PRMT3: variants seen among roughly 807,000 people sequenced by gnomAD.
PRMT3 encodes protein arginine N-methyltransferase 3.
A neutral mutation model predicts 71.9 loss-of-function variants in PRMT3; 62 were observed. That is an observed-to-expected ratio of 0.86 (90% CI 0.70 to 1.07). PRMT3 has a LOEUF of 1.07. Among genes scored for constraint, PRMT3 ranks in the 50% least tolerant of loss-of-function variants. The pLI is 0.00. For synonymous variants in PRMT3, 213 were observed against 220.4 expected (o/e 0.97, Z 0.30); for missense variants, 663 against 643.0 (o/e 1.03, Z -0.34).
In PRMT3 at chr11:20,395,830, C is replaced by G. The variant is rs1252740949; in HGVS notation, c.428C>G (p.Ser143Ter). ...FDVEDLYEPV[S>*]VPFSYPNGLS... ...GTAGAAGATCTTTATGAACCGGTGTCAGTACCCTTCTCATACCCCAATGGA... is the reference window on the plus strand; with the variant it reads ...GTAGAAGATCTTTATGAACCGGTGTGAGTACCCTTCTCATACCCCAATGGA... The change falls in exon 6 of 16, where the codon TCA becomes TGA. Residue 143 changes from serine to a stop codon, truncating the protein, a stop_gained. Coordinates refer to ENST00000331079, the MANE Select transcript of PRMT3 (RefSeq NM_005788.4). LOFTEE classifies it high-confidence loss of function. 6.2e-7 allele frequency: 1 copy of G among 1,613,534 alleles called. No individual in the cohort carries two copies. Among genetic ancestry groups the G allele is most frequent in the South Asian group, 1.1e-5 (1 of 90,964 alleles).
intron 3 of PRMT3, among the ~76,000 whole-genome samples, chr11:20,391,202 C>A (rs1231946302): frequency 6.6e-6 from 1 of 152,162 alleles, no homozygotes; most frequent in African/African-American, 2.4e-5. Context: ...ACTGCAAGTA[C>A]TTTCGTAAGG....
intron 2 of PRMT3, among the ~76,000 whole-genome samples, 196 bp downstream of exon 2, chr11:20,388,350 C>G (rs888566763): frequency 2.6e-5 from 4 of 152,180 alleles, no homozygotes; most frequent in African/African-American, 9.7e-5. Context: ...ACTGGAAGGC[C>G]GGTTGTACTG....
chr11:20,504,713 A>AGTGT (rs1851543800), intron 15 of PRMT3, among the ~76,000 whole-genome samples: 1 of 85,870 alleles, frequency 1.2e-5, no homozygotes, highest in African/African-American at 3.5e-5. Flanking sequence ...TGTGTGAGAG[A>AGTGT]GAGAGAGAGA....
intron 10 of PRMT3, among the ~76,000 whole-genome samples, chr11:20,437,399 A>C (rs1296425764): frequency 1.3e-5 from 2 of 152,156 alleles, no homozygotes; most frequent in Non-Finnish European, 2.9e-5. Context: ...TGCCTTTTCT[A>C]GACTTCCTAG....
At chr11:20,478,433 A>G (rs994065717) in intron 13 of PRMT3, among the ~76,000 whole-genome samples, 1 of 151,738 alleles carries the variant, frequency 6.6e-6, no homozygotes, top group Non-Finnish European at 1.5e-5. Context: ...TTCTCAATTC[A>G]GTTCTTTGAT....
chr11:20,391,838 G>C (rs1298872776), intron 3 of PRMT3, among the ~76,000 whole-genome samples: 1 of 152,110 alleles, frequency 6.6e-6, no homozygotes, highest in Non-Finnish European at 1.5e-5. Context: ...ATTATAATTT[G>C]ATACACACCA....
intron 9 of PRMT3, among the ~76,000 whole-genome samples, chr11:20,410,227 T>C (rs546063146): frequency 6.6e-6 from 1 of 152,200 alleles, no homozygotes; most frequent in African/African-American, 2.4e-5. Context: ...AGCTTCTTAG[T>C]AAAATATTTA....
At chr11:20,438,504 T>C (rs1039023974) in intron 10 of PRMT3, among the ~76,000 whole-genome samples, 2 of 152,032 alleles carry the variant, frequency 1.3e-5, no homozygotes, top group African/African-American at 2.4e-5. Context: ...GGGGTTAGTC[T>C]AGCTTCAGGC....
intron 7 of PRMT3, among the ~76,000 whole-genome samples, chr11:20,399,194 T>A (rs1848896087): frequency 6.6e-6 from 1 of 152,216 alleles, no homozygotes; most frequent in African/African-American, 2.4e-5. Context: ...TAAATCCTTC[T>A]TTCAGAGATT....
intron 10 of PRMT3, among the ~76,000 whole-genome samples, chr11:20,427,177 C>G (rs1345945294): frequency 6.6e-6 from 1 of 152,012 alleles, no homozygotes; most frequent in African/African-American, 2.4e-5. Flanking sequence ...AAGTGTTTGC[C>G]TGAAAGCCTC....
At chr11:20,427,297 A>G (rs1287672794) in intron 10 of PRMT3, among the ~76,000 whole-genome samples, 1 of 152,254 alleles carries the variant, frequency 6.6e-6, no homozygotes, top group Non-Finnish European at 1.5e-5. Context: ...CATGTAATCA[A>G]TGTCCATTAT....
chr11:20,465,194 A>G (rs1457482763), intron 13 of PRMT3, among the ~76,000 whole-genome samples: 4 of 151,988 alleles, frequency 2.6e-5, no homozygotes, highest in Non-Finnish European at 5.9e-5. Flanking sequence ...AATACCTGCA[A>G]TGTAGCCAGA....
At chr11:20,490,770 A>C (rs1055288543) in intron 13 of PRMT3, among the ~76,000 whole-genome samples, 10 of 151,764 alleles carry the variant, frequency 6.6e-5, no homozygotes, top group African/African-American at 2.4e-4. Flanking sequence ...TACACTAAAA[A>C]TTTTGAAAAC....
intron 8 of PRMT3, 114 bp from the exon 9 acceptor site, chr11:20,407,797 A>G: frequency 2.6e-6 from 3 of 1,165,130 alleles, no homozygotes; most frequent in Non-Finnish European, 3.5e-6. Context: ...CCAGTTTCAG[A>G]TTTTTATTGT....
intron 5 of PRMT3, among the ~76,000 whole-genome samples, chr11:20,395,367 C>T (rs1437874460): frequency 6.6e-6 from 1 of 151,628 alleles, no homozygotes; most frequent in Non-Finnish European, 1.5e-5. Context: ...CTTTTAAGAC[C>T]GAGTCTCACT....
chr11:20,444,126 T>C (rs1003990200), intron 10 of PRMT3, among the ~76,000 whole-genome samples: 3 of 152,184 alleles, frequency 2.0e-5, no homozygotes, highest in Non-Finnish European at 2.9e-5. Context: ...TCTATTGTCA[T>C]TTTTTGACTA....
chr11:20,395,725 C>T (rs1056383331), intron 5 of PRMT3, 78 bp from the exon 6 acceptor site: 83 of 1,350,178 alleles, frequency 6.1e-5, no homozygotes, highest in South Asian at 5.4e-4. Flanking sequence ...AAACTTAGGG[C>T]GTATTTATTC....
Position 20,388,131 on chromosome 11 carries a change from G to T in PRMT3, c.141G>T (p.Gln47His). The part of the protein sequence containing the change: ...DDADLPHGKQ[Q>H]TPCLFCNRLF... ...CAGATCTCCCCCACGGCAAGCAGCAGACCCCCTGCCTGTTCTGTAACAGGT... is the reference window on the plus strand; with the variant it reads ...CAGATCTCCCCCACGGCAAGCAGCATACCCCCTGCCTGTTCTGTAACAGGT... The change falls in exon 2 of 16, where the codon CAG (glutamine) becomes CAT (histidine). Residue 47 changes from glutamine to histidine, a missense_variant. By Grantham distance (24) the Gln-to-His change is conservative. Transcript: ENST00000331079. 1 of 1,613,946 alleles carries T rather than the reference G, an allele frequency of 6.2e-7. No homozygotes were observed. Among genetic ancestry groups the T allele is most frequent in the Non-Finnish European group, 8.5e-7 (1 of 1,179,960 alleles).
At chr11:20,438,150 A>T (rs1849803837) in intron 10 of PRMT3, among the ~76,000 whole-genome samples, 1 of 152,116 alleles carries the variant, frequency 6.6e-6, no homozygotes, top group South Asian at 2.1e-4. Flanking sequence ...AAGAACTAGG[A>T]TCTGTGACAA....
Sources: gnomAD v4.1 joint callset for allele counts (sites outside exome capture counted in the v4.1 genomes callset) on GRCh38, gnomAD v4.1.1 for gene constraint, MANE v1.5 for transcripts, NCBI Gene and HGNC (gene_info 2026-07-23, HGNC 2026-07-21) for gene names.